NDUFS1: variants seen among roughly 807,000 people sequenced by gnomAD.
NDUFS1 encodes the protein NADH:ubiquinone oxidoreductase core subunit S1, also known as NADH-ubiquinone oxidoreductase 75 kDa subunit, mitochondrial.
In NDUFS1, 61 loss-of-function variants were observed where a neutral mutation model predicts 84.4. The observed-to-expected ratio is 0.72, with a 90% CI of 0.59 to 0.89. The LOEUF (loss-of-function observed/expected upper bound fraction) is 0.89. NDUFS1 is among the 40% of genes least tolerant of loss of function. The probability of loss-of-function intolerance (pLI) is 0.00; values close to 1 mark genes in which losing one functional copy is unlikely to be tolerated. For missense variants in NDUFS1, 891 were observed against 890.0 expected (o/e 1.00, Z -0.01); for synonymous variants, 275 against 290.0 (o/e 0.95, Z 0.53).
rs1468473259 is a variant in NDUFS1, at chr2:206,136,077, G to T, written c.1392+2408C>A. ...CTTCTTTTTGTTTTTTTGAGATGGAGTCTCACTCTGTCACCCAGGCTGGAG... is the reference window on the plus strand; with the variant it reads ...CTTCTTTTTGTTTTTTTGAGATGGATTCTCACTCTGTCACCCAGGCTGGAG... On this transcript the variant is annotated intron_variant, in intron 13 of 18. Transcript: ENST00000233190. Among the ~76,000 whole-genome samples, 4 of 150,636 alleles carry T rather than the reference G, an allele frequency of 2.7e-5. No homozygotes were observed. The East Asian group carries it at 7.8e-4, about 29-fold the overall frequency.
In NDUFS1 at chr2:206,116,482, G is replaced by C; in HGVS notation, c.*7703C>G. 1 of 1,200,218 alleles carries C rather than the reference G, an allele frequency of 8.3e-7. No homozygotes were observed. Among genetic ancestry groups the C allele is most frequent in the South Asian group, 1.3e-5 (1 of 76,932 alleles). The allele number at this position is 1,200,218 out of a possible 1,614,324, so 74.3% of individuals were successfully genotyped here. ...CTGCAGAGCACGGCCCGCACGCTCC[G>C]CACCACTCGCAGCGCCATGTTCCCA... On this transcript the variant is annotated 3_prime_UTR_variant, in exon 19 of 19. Coordinates refer to ENST00000233190, the MANE Select transcript of NDUFS1 (RefSeq NM_005006.7).
chr2:206,125,706 C>G (rs573984621), intron 18 of NDUFS1, among the ~76,000 whole-genome samples: 4 of 151,482 alleles, frequency 2.6e-5, no homozygotes, highest in Non-Finnish European at 5.9e-5. Context: ...GCTTTTTACA[C>G]CAGTAAACTC....
At chr2:206,135,022 G>T (rs1265278478) in intron 13 of NDUFS1, among the ~76,000 whole-genome samples, 1 of 150,296 alleles carries the variant, frequency 6.7e-6, no homozygotes, top group East Asian at 2.0e-4. Context: ...GTCAAGAGTT[G>T]TTTTTTTTTC....
At chr2:206,131,736 G>A (rs1358984835) in intron 14 of NDUFS1, among the ~76,000 whole-genome samples, 3 of 152,036 alleles carry the variant, frequency 2.0e-5, no homozygotes, top group East Asian at 1.9e-4. Context: ...TCAGGAGATC[G>A]AGACCATCCT....
At chr2:206,148,353 C>G (rs1364103531) in intron 5 of NDUFS1, among the ~76,000 whole-genome samples, 1 of 151,758 alleles carries the variant, frequency 6.6e-6, no homozygotes, top group Non-Finnish European at 1.5e-5. Context: ...GAGACGGGGT[C>G]TTGCTATGTT....
intron 8 of NDUFS1, among the ~76,000 whole-genome samples, chr2:206,146,217 C>G (rs1268364274): frequency 6.6e-6 from 1 of 152,002 alleles, no homozygotes; most frequent in African/African-American, 2.4e-5. Context: ...AAAATAAAAC[C>G]AAGAATATTA....
Position 206,132,288 on chromosome 2 carries a change from T to A in NDUFS1, c.1553+657A>T, listed in dbSNP as rs566299916. ...CTAAATTAAACCTGCATTATTGATA[T>A]GGTTTGAAATAAAGGCTAGGTGCAG... On this transcript the variant is annotated intron_variant, in intron 14 of 18. Transcript: ENST00000233190. Among the ~76,000 whole-genome samples the A allele has an allele frequency of 8.6e-5, 13 of 151,992 alleles. No individual in the cohort carries two copies. The South Asian group carries it at 2.7e-3, about 32-fold the overall frequency.
At chr2:206,156,768 T>C (rs182389697) in intron 1 of NDUFS1, among the ~76,000 whole-genome samples, 2 of 152,356 alleles carry the variant, frequency 1.3e-5, no homozygotes, top group East Asian at 1.9e-4. Flanking sequence ...ATTAAGAATA[T>C]GTGATACTGA....
intron 13 of NDUFS1, 61 bp from the exon 14 acceptor site, chr2:206,133,166 C>G (rs1231384793): frequency 1.7e-5 from 23 of 1,381,408 alleles, no homozygotes; most frequent in Non-Finnish European, 2.3e-5. Context: ...AACACCAAAC[C>G]ATATTTGCCT....
chr2:206,154,488 T>G (rs1462562417), intron 1 of NDUFS1, among the ~76,000 whole-genome samples: 1 of 152,226 alleles, frequency 6.6e-6, no homozygotes. Context: ...TTATCCAAAG[T>G]GTCAACAGTG....
intron 16 of NDUFS1, 27 bp downstream of exon 16, chr2:206,127,770 C>A (rs1297659020): frequency 3.1e-6 from 5 of 1,611,260 alleles, no homozygotes; most frequent in Non-Finnish European, 4.2e-6. Context: ...TTAGTAGCAT[C>A]ACTAAGAAAT....
In NDUFS1 at chr2:206,159,381, T is replaced by G. The variant is rs1388436471; in HGVS notation, c.-45A>C. 5.3e-6 allele frequency: 3 copies of G among 567,044 alleles called. No individual in the cohort carries two copies. Among genetic ancestry groups the G allele is most frequent in the Admixed American group, 3.0e-5 (1 of 32,902 alleles). The allele number at this position is 567,044 out of a possible 1,614,324, so 35.1% of individuals were successfully genotyped here. ...GCGGAGGCTGTTCTGCTAAACTGTCTGGACCACGACGACCCCCTAGGAGGC... is the reference window on the plus strand; with the variant it reads ...GCGGAGGCTGTTCTGCTAAACTGTCGGGACCACGACGACCCCCTAGGAGGC... On this transcript the variant is annotated 5_prime_UTR_variant, in exon 1 of 19. Transcript: ENST00000233190.
At position 206,115,525 on chromosome 2, in the gene NDUFS1, C is replaced by T. The variant is rs1690920810; in HGVS notation, c.*8660G>A. The T allele has an allele frequency of 5.2e-6, 1 of 190,648 alleles. No homozygotes were observed. Among genetic ancestry groups the T allele is most frequent in the Non-Finnish European group, 1.1e-5 (1 of 94,464 alleles). The allele number at this position is 190,648 out of a possible 1,614,324, so 11.8% of individuals were successfully genotyped here. ...GGCACCTGATCATGGTCTTCCTGGCCTCCAGAATTGTAAGAAGTAAATTTT... is the reference window on the plus strand; with the variant it reads ...GGCACCTGATCATGGTCTTCCTGGCTTCCAGAATTGTAAGAAGTAAATTTT... On this transcript the variant is annotated 3_prime_UTR_variant, in exon 19 of 19. Transcript: ENST00000233190.
chr2:206,152,561 C>T, intron 2 of NDUFS1, 51 bp from the exon 3 acceptor site: 2 of 1,487,600 alleles, frequency 1.3e-6, no homozygotes, highest in Non-Finnish European at 1.9e-6. Context: ...TTTATTATAG[C>T]AGATGATAAT....
intron 15 of NDUFS1, among the ~76,000 whole-genome samples, chr2:206,129,793 T>A (rs549607559): frequency 6.6e-6 from 1 of 152,060 alleles, no homozygotes; most frequent in Non-Finnish European, 1.5e-5. Flanking sequence ...GGTTTTACCA[T>A]GTTGGTCAGG....
At chr2:206,149,521 G>A (rs984450897) in intron 4 of NDUFS1, among the ~76,000 whole-genome samples, 2 of 152,018 alleles carry the variant, frequency 1.3e-5, no homozygotes, top group African/African-American at 4.8e-5. Flanking sequence ...TGTGCTACTT[G>A]GCAACTCTAC....
At chr2:206,133,799 G>A (rs917022588) in intron 13 of NDUFS1, among the ~76,000 whole-genome samples, 2 of 152,134 alleles carry the variant, frequency 1.3e-5, no homozygotes, top group African/African-American at 4.8e-5. Flanking sequence ...CCAACACGGC[G>A]AAACCCCGTC....
chr2:206,156,262 C>CA (rs577904073), intron 1 of NDUFS1, among the ~76,000 whole-genome samples: 4,900 of 93,958 alleles, frequency 0.052, 159 homozygotes, highest in African/African-American at 0.093. Context: ...CACTCTGTCT[C>CA]AAAAAAAAAA....
Position 206,149,933 on chromosome 2 carries a change from T to TAAAAAAAAAAAAAA in NDUFS1, c.154-22_154-9dup. 1.7e-6 allele frequency: 1 copy of TAAAAAAAAAAAAAA among 602,022 alleles called. No homozygotes were observed. 37.3% of individuals were successfully genotyped at this position (602,022 alleles called of 1,614,324 possible). A position where few individuals can be genotyped will look rare whatever the true frequency, so the allele number is the denominator to read the frequency against. ...GCCAACCTTCTCACAAGCCTAGAAG[T>TAAAAAAAAAAAAAA]AAAAAAAAAAAAAAAAAAAAAAAAA... On this transcript the variant is annotated splice_polypyrimidine_tract_variant and intron_variant, in intron 3 of 18. Coordinates refer to ENST00000233190, the MANE Select transcript of NDUFS1 (RefSeq NM_005006.7).
Sources: allele counts gnomAD v4.1 joint callset (sites outside exome capture counted in the v4.1 genomes callset), GRCh38; gene constraint gnomAD v4.1.1; transcripts MANE v1.5; gene names NCBI Gene and HGNC (gene_info 2026-07-23, HGNC 2026-07-21).